KHDC1: variants seen among roughly 807,000 people sequenced by gnomAD.
KHDC1 encodes the protein KH homology domain-containing protein 1.
Under a neutral mutation model 24.7 loss-of-function variants are expected in KHDC1, and 21 were observed. The observed-to-expected ratio is 0.85, with a 90% CI of 0.60 to 1.23. KHDC1 has a LOEUF of 1.23. Among genes scored for constraint, KHDC1 ranks in the 50% most tolerant of loss-of-function variants. The probability of loss-of-function intolerance (pLI) is 0.00; values close to 1 mark genes in which losing one functional copy is unlikely to be tolerated. For missense variants in KHDC1, 274 were observed against 298.5 expected (o/e 0.92, Z 0.61); for synonymous variants, 98 against 111.7 (o/e 0.88, Z 0.77).
intron 1 of KHDC1, among the ~76,000 whole-genome samples, chr6:73,307,051 A>G (rs184359714): frequency 7.9e-5 from 12 of 152,228 alleles, no homozygotes; most frequent in Admixed American, 7.8e-4. Flanking sequence ...CTGTGAGAAG[A>G]CACAACTACC....
intron 2 of KHDC1, among the ~76,000 whole-genome samples, chr6:73,264,183 A>G (rs1767039514): frequency 6.6e-6 from 1 of 152,160 alleles, no homozygotes; most frequent in East Asian, 1.9e-4. Context: ...TGGGCAACAA[A>G]GCAAGACCCT....
exon 1 of KHDC1, chr6:73,309,589 C>T: frequency 6.5e-7 from 1 of 1,546,238 alleles, no homozygotes; most frequent in Non-Finnish European, 8.7e-7. Flanking sequence ...AAGACACTGT[C>T]CCGATCAGGA....
chr6:73,283,185 T>C (rs1767446416), intron 2 of KHDC1, among the ~76,000 whole-genome samples: 1 of 152,188 alleles, frequency 6.6e-6, no homozygotes, highest in South Asian at 2.1e-4. Flanking sequence ...TCACATTTAA[T>C]GAAGGAACCG....
intron 2 of KHDC1, among the ~76,000 whole-genome samples, chr6:73,282,351 T>C (rs1767430409): frequency 6.6e-6 from 1 of 152,082 alleles, no homozygotes; most frequent in Non-Finnish European, 1.5e-5. Flanking sequence ...GAAACTGCCA[T>C]TGCAAAATCA....
intron 2 of KHDC1, chr6:73,291,126 T>G (rs1006045880): frequency 6.0e-6 from 3 of 500,932 alleles, no homozygotes; most frequent in Non-Finnish European, 1.2e-5. Flanking sequence ...GCAGACTGGT[T>G]TAAAGACATG....
chr6:73,270,915 C>A (rs974515906), intron 2 of KHDC1, among the ~76,000 whole-genome samples: 10 of 152,016 alleles, frequency 6.6e-5, no homozygotes, highest in African/African-American at 2.4e-4. Context: ...TGGTCTCGAT[C>A]TCCTGACCTC....
At chr6:73,281,840 C>G (rs1767419367) in intron 2 of KHDC1, among the ~76,000 whole-genome samples, 1 of 152,122 alleles carries the variant, frequency 6.6e-6, no homozygotes, top group South Asian at 2.1e-4. Context: ...CCTTAGGCTC[C>G]TCTTGGCTGT....
chr6:73,309,804 G>A, exon 1 of KHDC1: 2 of 1,446,764 alleles, frequency 1.4e-6, no homozygotes, highest in Non-Finnish European at 1.8e-6. Context: ...GGCGGGAAGA[G>A]ACCAGACACC....
intron 1 of KHDC1, among the ~76,000 whole-genome samples, chr6:73,301,602 C>T (rs546402256): frequency 5.9e-5 from 9 of 152,226 alleles, no homozygotes; most frequent in Admixed American, 1.3e-4. Flanking sequence ...TAATTCTGTG[C>T]TATATGTATA....
chr6:73,242,021 A>C, intron 4 of KHDC1, 34 bp downstream of exon 3: 1 of 1,580,780 alleles, frequency 6.3e-7, no homozygotes. Flanking sequence ...TCCACCACCA[A>C]GTCTAAAACC....
At chr6:73,292,808 A>G (rs1343447477) in intron 1 of KHDC1, 25 of 708,976 alleles carry the variant, frequency 3.5e-5, no homozygotes, top group South Asian at 3.3e-4. Flanking sequence ...TTACACATAT[A>G]AAGACCCAAT....
rs373370352 is a variant in KHDC1 at position 73,270,994 on chromosome 6, GCT to G, written c.206+21002_206+21003del. On this transcript the variant is annotated intron_variant, in intron 2 of 4. Coordinates refer to ENST00000370384, the Ensembl canonical transcript of KHDC1. ...CGTGAGCCACCGCGCCCGGCCTGTTGCTCTTTTTCTTTGTACATTCTGTTAAT... is the reference window on the plus strand; with the variant it reads ...CGTGAGCCACCGCGCCCGGCCTGTTGCTTTTTCTTTGTACATTCTGTTAAT... Among the ~76,000 whole-genome samples the G allele has an allele frequency of 1.1e-4, 17 of 151,726 alleles. 2 individuals carry two copies. The highest frequency in any genetic ancestry group is 3.9e-4 in the African/African-American group (16 of 41,430).
intron 2 of KHDC1, among the ~76,000 whole-genome samples, chr6:73,248,127 TCC>T (rs1322430764): frequency 6.6e-6 from 1 of 152,128 alleles, no homozygotes; most frequent in African/African-American, 2.4e-5. Context: ...GTCCTGGTCC[TCC>T]CTCCAGGTAA....
rs74966415 is a variant in KHDC1 at position 73,255,139 on chromosome 6, A to C, written c.207-12609T>G. Among the ~76,000 whole-genome samples, 1,033 of 152,068 alleles carry C rather than the reference A, an allele frequency of 6.8e-3. 11 individuals are homozygous for C. Among genetic ancestry groups the C allele is most frequent in the African/African-American group, 0.024 (983 of 41,502 alleles). On this transcript the variant is annotated intron_variant, in intron 2 of 4. Transcript: ENST00000370384. ...CTCAATAAAGATATATATTCAAAAA[A>C]CAAAATTTTAAATTCAAATGAAAAT...
chr6:73,292,030 T>TTACA lies in KHDC1; in HGVS notation c.173_174insTGTA (p.Arg59ValfsTer7), dbSNP rs1767662721. 2.5e-6 allele frequency: 4 copies of TTACA among 1,613,976 alleles called. No homozygotes were observed. The highest frequency in any genetic ancestry group is 3.4e-6 in the Non-Finnish European group (4 of 1,180,038). ...ATCGGCATCTAGTCTTTCCGCTCCT[T>TTACA]GAGTTTCTCTCTGTAAAGGAGATAT... On this transcript the variant is annotated frameshift_variant, in exon 2 of 5. Coordinates refer to ENST00000370384, the Ensembl canonical transcript of KHDC1. LOFTEE classifies it high-confidence loss of function.
At chr6:73,242,905 G>C (rs529871842) in intron 2 of KHDC1, among the ~76,000 whole-genome samples, 133 of 152,304 alleles carry the variant, frequency 8.7e-4, no homozygotes, top group African/African-American at 2.6e-3. Context: ...TTGCACAGGT[G>C]CTGGCAGTCA....
rs1244539330 is a variant in KHDC1, at chr6:73,281,832, T to C, written c.206+10166A>G. Among the ~76,000 whole-genome samples the C allele has an allele frequency of 2.0e-5, 3 of 152,162 alleles. No individual in the cohort carries two copies. The East Asian group carries it at 5.8e-4, about 29-fold the overall frequency. The stretch of plus-strand genomic sequence containing the variant: ...CATTACATTTAGTCATCATGTCTCC[T>C]TAGGCTCCTCTTGGCTGTGGTAGAT... On this transcript the variant is annotated intron_variant, in intron 2 of 4. Transcript: ENST00000370384.
At chr6:73,262,223 C>T (rs1766994037) in intron 2 of KHDC1, among the ~76,000 whole-genome samples, 1 of 152,106 alleles carries the variant, frequency 6.6e-6, no homozygotes, top group South Asian at 2.1e-4. Context: ...AATAGTATAC[C>T]CATTTCATAG....
intron 1 of KHDC1, among the ~76,000 whole-genome samples, chr6:73,309,008 T>G (rs1768027185): frequency 6.6e-6 from 1 of 152,104 alleles, no homozygotes; most frequent in Admixed American, 6.5e-5. Context: ...GTATTTTTAG[T>G]AGAGATGGGT....
Sources: allele counts gnomAD v4.1 joint callset (sites outside exome capture counted in the v4.1 genomes callset), GRCh38; gene constraint gnomAD v4.1.1; transcripts MANE v1.5; gene names NCBI Gene and HGNC (gene_info 2026-07-23, HGNC 2026-07-21).